Variants in CNTNAP2 observed in about 807,000 individuals in gnomAD.
CNTNAP2 encodes contactin-associated protein-like 2.
Under a neutral mutation model 155.2 loss-of-function variants are expected in CNTNAP2, and 98 were observed. The ratio of observed to expected loss-of-function variants is 0.63; its 90% CI spans 0.54 to 0.75. CNTNAP2 has a LOEUF of 0.75. CNTNAP2 is among the 30% of genes least tolerant of loss of function. The probability of loss-of-function intolerance (pLI) is 0.00; values close to 1 mark genes in which losing one functional copy is unlikely to be tolerated. For synonymous variants in CNTNAP2, 651 were observed against 631.2 expected, an observed-to-expected ratio of 1.03 and a Z score of -0.47; for missense variants, 1,727 against 1,688.1, an observed-to-expected ratio of 1.02 and a Z score of -0.40.
intron 22 of CNTNAP2, among the ~76,000 whole-genome samples, chr7:148,408,439 G>A (rs1194457068): frequency 2.0e-5 from 3 of 152,138 alleles, no homozygotes; most frequent in Non-Finnish European, 2.9e-5. Context: ...CCATAGCCCA[G>A]GAATAAATTA....
At chr7:146,539,177 C>T (rs559863246) in intron 1 of CNTNAP2, among the ~76,000 whole-genome samples, 5 of 152,148 alleles carry the variant, frequency 3.3e-5, no homozygotes, top group Non-Finnish European at 7.4e-5. Context: ...TGATTATCAA[C>T]GTATATATCC....
At chr7:146,639,458 C>A (rs532914469) in intron 1 of CNTNAP2, among the ~76,000 whole-genome samples, 2 of 127,588 alleles carry the variant, frequency 1.6e-5, no homozygotes, top group Admixed American at 7.2e-5. Flanking sequence ...AAGATAGATT[C>A]TCTGATTATT....
At chr7:146,932,285 T>C (rs1161034222) in intron 3 of CNTNAP2, among the ~76,000 whole-genome samples, 2 of 151,992 alleles carry the variant, frequency 1.3e-5, no homozygotes, top group East Asian at 1.9e-4. Flanking sequence ...GTTCAATATA[T>C]GCAAATCAAT....
At chr7:146,918,383 G>T (rs561826548) in intron 3 of CNTNAP2, among the ~76,000 whole-genome samples, 1 of 151,970 alleles carries the variant, frequency 6.6e-6, no homozygotes, top group Non-Finnish European at 1.5e-5. Flanking sequence ...CTTGGTAGTA[G>T]TGAATTCTTT....
At chr7:148,247,595 T>TTCTCTCTCTCTC (rs140317251) in intron 20 of CNTNAP2, among the ~76,000 whole-genome samples, 3 of 132,972 alleles carry the variant, frequency 2.3e-5, no homozygotes, top group African/African-American at 8.9e-5. Flanking sequence ...GCTTCTCCCA[T>TTCTCTCTCTCTC]TCTCTCTCTC....
chr7:147,120,726 C>T (rs1801091489), intron 5 of CNTNAP2, among the ~76,000 whole-genome samples: 1 of 150,902 alleles, frequency 6.6e-6, no homozygotes, highest in African/African-American at 2.4e-5. Flanking sequence ...TGGTGCGCTG[C>T]ACCCACTAAC....
At chr7:146,479,977 G>A (rs573026497) in intron 1 of CNTNAP2, among the ~76,000 whole-genome samples, 1 of 151,996 alleles carries the variant, frequency 6.6e-6, no homozygotes, top group Non-Finnish European at 1.5e-5. Flanking sequence ...TAGATACGGG[G>A]TTTCACCAGG....
intron 1 of CNTNAP2, among the ~76,000 whole-genome samples, chr7:146,475,630 A>T (rs534011384): frequency 6.6e-6 from 1 of 152,326 alleles, no homozygotes; most frequent in African/African-American, 2.4e-5. Context: ...TGGGAGACCA[A>T]GATTGACAGA....
At chr7:146,172,262 G>A (rs537868988) in intron 1 of CNTNAP2, among the ~76,000 whole-genome samples, 1 of 152,018 alleles carries the variant, frequency 6.6e-6, no homozygotes, top group African/African-American at 2.4e-5. Context: ...AATATTTGGA[G>A]AAATGTTTTG....
chr7:147,094,964 A>T (rs985541155), intron 4 of CNTNAP2, among the ~76,000 whole-genome samples: 3 of 152,130 alleles, frequency 2.0e-5, no homozygotes, highest in African/African-American at 7.2e-5. Context: ...TGGTTCTTAG[A>T]TGATGCCTTC....
At chr7:148,156,217 A>G (rs1275577979) in intron 17 of CNTNAP2, among the ~76,000 whole-genome samples, 1 of 152,222 alleles carries the variant, frequency 6.6e-6, no homozygotes, top group Non-Finnish European at 1.5e-5. Context: ...GACAGTCTCT[A>G]TGACATGGAA....
chr7:147,370,329 G>A (rs906631627), intron 9 of CNTNAP2, among the ~76,000 whole-genome samples: 8 of 152,142 alleles, frequency 5.3e-5, no homozygotes, highest in Non-Finnish European at 7.3e-5. Context: ...GCTATTTTGT[G>A]AAGCCACACC....
At chr7:146,174,412 G>A (rs961460146) in intron 1 of CNTNAP2, among the ~76,000 whole-genome samples, 3 of 151,954 alleles carry the variant, frequency 2.0e-5, no homozygotes, top group Admixed American at 1.3e-4. Flanking sequence ...GTAGAAACAG[G>A]GTTTTGCCAT....
At position 146,922,187 on chromosome 7, in the gene CNTNAP2, A is replaced by G. The variant is rs186260516; in HGVS notation, c.402+82283A>G. Among the ~76,000 whole-genome samples the G allele has an allele frequency of 2.3e-3, 347 of 151,248 alleles. 3 individuals are homozygous for G. The highest frequency in any genetic ancestry group is 3.6e-3 in the Non-Finnish European group (242 of 67,866). On this transcript the variant is annotated intron_variant, in intron 3 of 23. Transcript: ENST00000361727. ...GTTTAAACTTAAAGATAATATTGAG[A>G]TATATTAAATGTACATTTCTGCCCT...
At chr7:147,589,831 A>G (rs1319411389) in intron 12 of CNTNAP2, among the ~76,000 whole-genome samples, 2 of 152,184 alleles carry the variant, frequency 1.3e-5, no homozygotes, top group Admixed American at 6.6e-5. Context: ...GTATAACACT[A>G]TACAGTTATT....
chr7:146,691,576 AC>A (rs1230298849), intron 1 of CNTNAP2, among the ~76,000 whole-genome samples: 1 of 152,172 alleles, frequency 6.6e-6, no homozygotes, highest in Admixed American at 6.5e-5. Context: ...TTGCTTTTGC[AC>A]CATCATAAAG....
intron 1 of CNTNAP2, among the ~76,000 whole-genome samples, chr7:146,599,315 T>C (rs1798910752): frequency 6.6e-6 from 1 of 152,038 alleles, no homozygotes; most frequent in South Asian, 2.1e-4. Flanking sequence ...CCTCTAATTG[T>C]TTTCTGTCAA....
chr7:147,932,103 C>T, intron 14 of CNTNAP2, among the ~76,000 whole-genome samples: 1 of 152,076 alleles, frequency 6.6e-6, no homozygotes, highest in East Asian at 1.9e-4. Flanking sequence ...CCAGGCTGAT[C>T]TCAAACTCCT....
At chr7:147,728,055 C>T (rs1441663206) in intron 13 of CNTNAP2, among the ~76,000 whole-genome samples, 2 of 151,920 alleles carry the variant, frequency 1.3e-5, no homozygotes, top group Non-Finnish European at 2.9e-5. Flanking sequence ...TTTGGGCTCG[C>T]CATCCATGTC....
Sources: gnomAD v4.1 joint callset for allele counts (sites outside exome capture counted in the v4.1 genomes callset) on GRCh38, gnomAD v4.1.1 for gene constraint, MANE v1.5 for transcripts, NCBI Gene and HGNC (gene_info 2026-07-23, HGNC 2026-07-21) for gene names.